TRHDE: variants seen among roughly 807,000 people sequenced by gnomAD.
TRHDE encodes the protein thyrotropin releasing hormone degrading enzyme, also known as thyrotropin-releasing hormone-degrading ectoenzyme.
In TRHDE, 72 loss-of-function variants were observed where a neutral mutation model predicts 125.7. The observed-to-expected ratio is 0.57, with a 90% CI of 0.47 to 0.70. The LOEUF is 0.70. Ranked by LOEUF, TRHDE falls within the 30% of genes least tolerant of loss-of-function variation. TRHDE has a pLI of 0.00. For missense variants in TRHDE, 1,110 were observed against 1,327.1 expected (o/e 0.84, Z 2.54); for synonymous variants, 509 against 509.1 (o/e 1.00, Z 0.00).
intron 7 of TRHDE, among the ~76,000 whole-genome samples, chr12:72,560,949 T>A (rs770793245): frequency 6.6e-6 from 1 of 152,258 alleles, no homozygotes; most frequent in Non-Finnish European, 1.5e-5. Flanking sequence ...CTGAAATAGT[T>A]AAATCCTGGT....
chr12:72,149,157 A>G (rs1876298475), intron 2 of TRHDE, among the ~76,000 whole-genome samples: 1 of 152,126 alleles, frequency 6.6e-6, no homozygotes, highest in Non-Finnish European at 1.5e-5. Flanking sequence ...AGATTAGACT[A>G]TAGACCTGAC....
intron 2 of TRHDE, among the ~76,000 whole-genome samples, chr12:72,360,234 T>C (rs1362671562): frequency 6.6e-6 from 1 of 151,776 alleles, no homozygotes; most frequent in Non-Finnish European, 1.5e-5. Context: ...AAGAGAACAT[T>C]TGATATTTGA....
At chr12:72,254,059 C>T (rs185652478) in intron 2 of TRHDE, 8 of 152,128 alleles carry the variant, frequency 5.3e-5, no homozygotes, top group African/African-American at 1.7e-4. Flanking sequence ...ATGTTGCATT[C>T]TGGAGCAAGG....
At chr12:72,153,459 G>T (rs1000814777) in intron 2 of TRHDE, among the ~76,000 whole-genome samples, 4 of 152,078 alleles carry the variant, frequency 2.6e-5, no homozygotes, top group Non-Finnish European at 5.9e-5. Context: ...GTTTGCTCTT[G>T]TTTCTCTAGT....
intron 2 of TRHDE, among the ~76,000 whole-genome samples, chr12:72,187,310 A>ACAC (rs1163462785): frequency 6.1e-5 from 8 of 131,260 alleles, no homozygotes; most frequent in East Asian, 2.3e-4. Flanking sequence ...AGAGAAACAC[A>ACAC]ACACACACAC....
chr12:72,423,369 G>A (rs1325972488), intron 3 of TRHDE, among the ~76,000 whole-genome samples: 3 of 152,088 alleles, frequency 2.0e-5, no homozygotes, highest in Non-Finnish European at 4.4e-5. Context: ...TCTTTACATA[G>A]GATCAAAGTG....
intron 2 of TRHDE, among the ~76,000 whole-genome samples, chr12:72,162,575 G>T (rs1876659121): frequency 6.6e-6 from 1 of 152,170 alleles, no homozygotes; most frequent in Non-Finnish European, 1.5e-5. Context: ...AGATTAGCCT[G>T]GAGCCAGTTC....
chr12:72,250,488 G>A (rs1188853422), intron 2 of TRHDE, among the ~76,000 whole-genome samples: 1 of 152,090 alleles, frequency 6.6e-6, no homozygotes, highest in African/African-American at 2.4e-5. Context: ...ATTGGAATAG[G>A]CTGAAAGATC....
intron 6 of TRHDE, among the ~76,000 whole-genome samples, chr12:72,514,519 C>A (rs1247318936): frequency 6.6e-6 from 1 of 151,610 alleles, no homozygotes; most frequent in Non-Finnish European, 1.5e-5. Flanking sequence ...AATGGTAGAA[C>A]TGAAGATACT....
At chr12:72,313,279 TTTTATA>T (rs1343042593) in intron 2 of TRHDE, among the ~76,000 whole-genome samples, 2 of 152,092 alleles carry the variant, frequency 1.3e-5, no homozygotes, top group African/African-American at 4.8e-5. Flanking sequence ...ATACAAGTTT[TTTTATA>T]TTTATATTTA....
At position 72,493,350 on chromosome 12, in the gene TRHDE, A is replaced by G. The variant is rs1592487924; in HGVS notation, c.1585-6148A>G. ...ACATTTATATTTATATCTATATTTAATGTATGCATTTTGGATTTCAAAGTA... is the reference window on the plus strand; with the variant it reads ...ACATTTATATTTATATCTATATTTAGTGTATGCATTTTGGATTTCAAAGTA... On this transcript the variant is annotated intron_variant, in intron 5 of 18. Transcript: ENST00000261180. 5.9e-5 allele frequency among the ~76,000 whole-genome samples: 9 copies of G among 152,124 alleles called. No homozygotes were observed. The South Asian group carries it at 1.5e-3, about 25-fold the overall frequency.
chr12:72,616,701 T>G (rs1397628051), intron 12 of TRHDE, among the ~76,000 whole-genome samples: 1 of 152,138 alleles, frequency 6.6e-6, no homozygotes, highest in Admixed American at 6.6e-5. Context: ...TCAAGCAACT[T>G]TCCAAAGTTA....
chr12:72,626,586 CT>C (rs1873268442), intron 15 of TRHDE, among the ~76,000 whole-genome samples: 1 of 151,902 alleles, frequency 6.6e-6, no homozygotes, highest in Non-Finnish European at 1.5e-5. Context: ...CCCTTTTCCC[CT>C]ATTTTGAAGA....
At chr12:72,612,404 A>T (rs193052655) in intron 12 of TRHDE, among the ~76,000 whole-genome samples, 379 of 152,266 alleles carry the variant, frequency 2.5e-3, no homozygotes, top group Non-Finnish European at 3.9e-3. Context: ...TGCAAGCCAG[A>T]TGTGAATGGA....
intron 2 of TRHDE, among the ~76,000 whole-genome samples, chr12:72,311,454 G>C (rs1013465450): frequency 2.0e-5 from 3 of 152,138 alleles, no homozygotes; most frequent in Non-Finnish European, 2.9e-5. Flanking sequence ...AGAGCAGCTA[G>C]GGCTAGTGGT....
At chr12:72,448,712 A>G (rs1196295066) in intron 3 of TRHDE, among the ~76,000 whole-genome samples, 2 of 151,920 alleles carry the variant, frequency 1.3e-5, no homozygotes, top group African/African-American at 2.4e-5. Flanking sequence ...GGTTAGCCCA[A>G]TGATTTGAAC....
intron 1 of TRHDE, among the ~76,000 whole-genome samples, chr12:72,278,450 C>T (rs536517458): frequency 1.3e-5 from 2 of 152,066 alleles, no homozygotes; most frequent in Non-Finnish European, 2.9e-5. Context: ...GATATATAAT[C>T]CACCAGTAGT....
intron 2 of TRHDE, among the ~76,000 whole-genome samples, chr12:72,127,451 G>A (rs1463692436): frequency 6.6e-6 from 1 of 152,210 alleles, no homozygotes; most frequent in Non-Finnish European, 1.5e-5. Context: ...GCCCATCAAT[G>A]GTGGATTGGA....
rs377124099 is a variant in TRHDE at position 72,581,971 on chromosome 12, A to G, written c.2321+6429A>G. Among the ~76,000 whole-genome samples the G allele has an allele frequency of 9.9e-5, 15 of 152,020 alleles. No individual in the cohort carries two copies. The East Asian group carries it at 1.4e-3, about 14-fold the overall frequency. ...CAAAAAATTAGCCGGGCAAGGTGGCAGGCGCCTGTAGTTCCAGCTACTCGG... is the reference window on the plus strand; with the variant it reads ...CAAAAAATTAGCCGGGCAAGGTGGCGGGCGCCTGTAGTTCCAGCTACTCGG... On this transcript the variant is annotated intron_variant, in intron 12 of 18. Transcript: ENST00000261180.
Sources: gnomAD v4.1 joint callset for allele counts (sites outside exome capture counted in the v4.1 genomes callset) on GRCh38, gnomAD v4.1.1 for gene constraint, MANE v1.5 for transcripts, NCBI Gene and HGNC (gene_info 2026-07-23, HGNC 2026-07-21) for gene names.